Variants in MMP26 observed in about 807,000 individuals in gnomAD.
The protein encoded by MMP26 is matrix metalloproteinase-26.
MMP26 carries 33 observed loss-of-function variants against 31.0 expected under a neutral mutation model. The ratio of observed to expected loss-of-function variants is 1.06; its 90% CI spans 0.81 to 1.42. The LOEUF is 1.42. MMP26 is among the 40% of genes most tolerant of loss of function. The pLI is 0.00. For missense variants in MMP26, 347 were observed against 316.1 expected, an observed-to-expected ratio of 1.10 and a Z score of -0.74; for synonymous variants, 122 against 114.9, an observed-to-expected ratio of 1.06 and a Z score of -0.40.
At chr11:4,789,479 G>C (rs1407224758) in intron 2 of MMP26, among the ~76,000 whole-genome samples, 1 of 129,096 alleles carries the variant, frequency 7.7e-6, no homozygotes, top group Non-Finnish European at 1.6e-5. Flanking sequence ...AGGTTATCAT[G>C]TATTTTACCA....
chr11:4,890,301 C>G (rs977309974), intron 2 of MMP26: 1 of 155,048 alleles, frequency 6.4e-6, no homozygotes, highest in African/African-American at 2.4e-5. Context: ...TTGAGCAAAG[C>G]GAGCATTTGA....
chr11:4,917,960 G>A (rs760551458), intron 2 of MMP26, among the ~76,000 whole-genome samples: 13 of 148,138 alleles, frequency 8.8e-5, no homozygotes, highest in South Asian at 6.5e-4. Context: ...AACCTAAGGC[G>A]GAAAATATTT....
At chr11:4,834,027 T>TA (rs1008379080) in intron 2 of MMP26, among the ~76,000 whole-genome samples, 5 of 151,676 alleles carry the variant, frequency 3.3e-5, no homozygotes, top group Non-Finnish European at 5.9e-5. Flanking sequence ...CAGTTTGAAC[T>TA]AAAAAAAATA....
chr11:4,767,769 A>G (rs566178403), intron 2 of MMP26, among the ~76,000 whole-genome samples: 1 of 152,222 alleles, frequency 6.6e-6, no homozygotes, highest in African/African-American at 2.4e-5. Flanking sequence ...TGCCCTCAGT[A>G]TTTGTGGGGT....
chr11:4,882,992 A>G (rs1850501299), intron 2 of MMP26: 1 of 770,800 alleles, frequency 1.3e-6, no homozygotes, highest in East Asian at 2.7e-5. Context: ...GAATTTTAGG[A>G]GTGGGAAGAA....
At chr11:4,781,941 C>T (rs897354816) in intron 2 of MMP26, among the ~76,000 whole-genome samples, 1 of 152,178 alleles carries the variant, frequency 6.6e-6, no homozygotes, top group African/African-American at 2.4e-5. Flanking sequence ...CTCTTCCTTG[C>T]CTTCCACCAT....
At chr11:4,895,616 A>G (rs1850688388) in intron 2 of MMP26, among the ~76,000 whole-genome samples, 1 of 152,236 alleles carries the variant, frequency 6.6e-6, no homozygotes, top group Non-Finnish European at 1.5e-5. Flanking sequence ...TAGTGCCAAC[A>G]TCAAGGGATA....
intron 1 of MMP26, among the ~76,000 whole-genome samples, chr11:4,708,218 C>G (rs1042745651): frequency 1.3e-5 from 2 of 152,170 alleles, no homozygotes; most frequent in African/African-American, 4.8e-5. Flanking sequence ...CTCGAAGATC[C>G]ATAGCTTTTG....
Position 4,822,116 on chromosome 11 carries a change from C to T in MMP26, c.-145+54775C>T, listed in dbSNP as rs771984455. The T allele has an allele frequency of 9.4e-5, 152 of 1,612,792 alleles. No homozygotes were observed. Among genetic ancestry groups the T allele is most frequent in the Non-Finnish European group, 1.3e-4 (149 of 1,179,896 alleles). On this transcript the variant is annotated intron_variant, in intron 2 of 7. Coordinates refer to ENST00000380390, the MANE Select transcript of MMP26 (RefSeq NM_021801.5). ...ATTCGATCTGTCCTCAGCATTGCTTCCTCAGAAGAGAGGCGGAAAGCCTTC... is the reference window on the plus strand; with the variant it reads ...ATTCGATCTGTCCTCAGCATTGCTTTCTCAGAAGAGAGGCGGAAAGCCTTC...
At chr11:4,898,775 C>G (rs1850750361) in intron 2 of MMP26, among the ~76,000 whole-genome samples, 1 of 151,358 alleles carries the variant, frequency 6.6e-6, no homozygotes. Context: ...ACTGGATCTA[C>G]TCTTTAAATT....
chr11:4,840,500 G>T (rs1264456701), intron 2 of MMP26, among the ~76,000 whole-genome samples: 2 of 152,202 alleles, frequency 1.3e-5, no homozygotes, highest in Non-Finnish European at 2.9e-5. Flanking sequence ...ATTTATTTGG[G>T]ATAAAGTAAG....
chr11:4,753,481 T>C (rs1036898964), intron 1 of MMP26, among the ~76,000 whole-genome samples: 2 of 152,152 alleles, frequency 1.3e-5, no homozygotes, highest in Non-Finnish European at 2.9e-5. Flanking sequence ...AACTGGATTA[T>C]GAGAATAAGG....
At chr11:4,978,072 G>T (rs78099762) in intron 2 of MMP26, among the ~76,000 whole-genome samples, 1 of 151,996 alleles carries the variant, frequency 6.6e-6, no homozygotes, top group Non-Finnish European at 1.5e-5. Flanking sequence ...GAGCTCTTCC[G>T]CCTTCACTTT....
chr11:4,938,595 A>G (rs1244755002), intron 2 of MMP26, among the ~76,000 whole-genome samples: 1 of 152,140 alleles, frequency 6.6e-6, no homozygotes, highest in Non-Finnish European at 1.5e-5. Flanking sequence ...ACAATTCAAG[A>G]CAATCCTTTG....
intron 2 of MMP26, among the ~76,000 whole-genome samples, chr11:4,855,396 A>G (rs1164401497): frequency 6.6e-6 from 1 of 152,246 alleles, no homozygotes; most frequent in African/African-American, 2.4e-5. Flanking sequence ...ATGAGCTGGA[A>G]ACCATGGCAC....
intron 2 of MMP26, chr11:4,769,905 T>G (rs1451979689): frequency 6.3e-7 from 1 of 1,599,660 alleles, no homozygotes; most frequent in East Asian, 2.2e-5. Flanking sequence ...GTTGAGTTGC[T>G]TAGGATTTCC....
chr11:4,794,334 C>G (rs188952063), intron 2 of MMP26: 1 of 152,146 alleles, frequency 6.6e-6, no homozygotes, highest in Non-Finnish European at 1.5e-5. Context: ...AGATACGAGG[C>G]TTTTAATGGA....
At chr11:4,840,294 A>G (rs1052318950) in intron 2 of MMP26, among the ~76,000 whole-genome samples, 7 of 152,212 alleles carry the variant, frequency 4.6e-5, no homozygotes, top group African/African-American at 7.2e-5. Context: ...GGCTTTGCCA[A>G]CTACAGATTG....
chr11:4,780,198 G>T (rs190212423), intron 2 of MMP26, among the ~76,000 whole-genome samples: 4 of 152,058 alleles, frequency 2.6e-5, no homozygotes, highest in African/African-American at 9.7e-5. Context: ...ACACATTTCT[G>T]TTGGGGTTTA....
Sources: allele counts gnomAD v4.1 joint callset (sites outside exome capture counted in the v4.1 genomes callset), GRCh38; gene constraint gnomAD v4.1.1; transcripts MANE v1.5; gene names NCBI Gene and HGNC (gene_info 2026-07-23, HGNC 2026-07-21).